The following ST6GALNAC3 variants were observed in gnomAD, a reference collection of about 807,000 sequenced individuals.
ST6GALNAC3 encodes alpha-N-acetylgalactosaminide alpha-2,6-sialyltransferase 3.
A neutral mutation model predicts 32.7 loss-of-function variants in ST6GALNAC3; 25 were observed. The ratio of observed to expected loss-of-function variants is 0.76; its 90% CI spans 0.56 to 1.07. The LOEUF is 1.07. Ranked by LOEUF, ST6GALNAC3 falls within the 50% of genes least tolerant of loss-of-function variation. The pLI, the probability that ST6GALNAC3 is intolerant of heterozygous loss-of-function variation, is 0.00. For synonymous variants in ST6GALNAC3, 129 were observed against 133.1 expected, an observed-to-expected ratio of 0.97 and a Z score of 0.21; for missense variants, 355 against 382.4, an observed-to-expected ratio of 0.93 and a Z score of 0.60.
intron 1 of ST6GALNAC3, among the ~76,000 whole-genome samples, chr1:76,282,116 G>C (rs1336409909): frequency 6.6e-6 from 1 of 151,986 alleles, no homozygotes; most frequent in African/African-American, 2.4e-5. Flanking sequence ...AATTATATGT[G>C]TTCCTTGTTT....
At chr1:76,372,852 G>A (rs1650934457) in intron 2 of ST6GALNAC3, among the ~76,000 whole-genome samples, 2 of 152,080 alleles carry the variant, frequency 1.3e-5, no homozygotes, top group South Asian at 2.1e-4. Context: ...CTCACAAAAG[G>A]GATAGAAGTC....
chr1:76,255,865 A>T (rs1359794363), intron 1 of ST6GALNAC3, among the ~76,000 whole-genome samples: 1 of 152,168 alleles, frequency 6.6e-6, no homozygotes, highest in Non-Finnish European at 1.5e-5. Context: ...GCAATATAAA[A>T]GGCAGGAAAA....
chr1:76,484,549 T>C (rs1031342067), intron 3 of ST6GALNAC3, among the ~76,000 whole-genome samples: 2 of 152,340 alleles, frequency 1.3e-5, no homozygotes, highest in African/African-American at 4.8e-5. Flanking sequence ...ATAAGAATGC[T>C]TGTGATTTTT....
At chr1:76,548,330 G>A (rs2100342084) in intron 3 of ST6GALNAC3, among the ~76,000 whole-genome samples, 1 of 152,274 alleles carries the variant, frequency 6.6e-6, no homozygotes, top group East Asian at 1.9e-4. Flanking sequence ...TAGTGGCCCA[G>A]GCCAGTAGAT....
chr1:76,275,594 T>A (rs1659089038), intron 1 of ST6GALNAC3, among the ~76,000 whole-genome samples: 1 of 152,052 alleles, frequency 6.6e-6, no homozygotes, highest in African/African-American at 2.4e-5. Context: ...AATAATTGAG[T>A]CTCTACTGGT....
intron 2 of ST6GALNAC3, among the ~76,000 whole-genome samples, chr1:76,376,018 T>TA (rs1651196999): frequency 6.6e-6 from 1 of 152,050 alleles, no homozygotes; most frequent in African/African-American, 2.4e-5. Flanking sequence ...TGGTTACCCC[T>TA]AGTGAAGGGA....
At chr1:76,230,210 G>GAGT (rs1271836937) in intron 1 of ST6GALNAC3, among the ~76,000 whole-genome samples, 1 of 152,122 alleles carries the variant, frequency 6.6e-6, no homozygotes. Flanking sequence ...AAACCTTAAG[G>GAGT]AGTACATATA....
At chr1:76,264,819 A>T (rs1476751894) in intron 1 of ST6GALNAC3, among the ~76,000 whole-genome samples, 1 of 152,096 alleles carries the variant, frequency 6.6e-6, no homozygotes, top group Non-Finnish European at 1.5e-5. Context: ...CCAGATGGAG[A>T]AGCCTTTTTT....
chr1:76,567,154 T>C (rs940158487), intron 3 of ST6GALNAC3, among the ~76,000 whole-genome samples: 11 of 152,224 alleles, frequency 7.2e-5, no homozygotes, highest in Non-Finnish European at 1.3e-4. Context: ...GTAATCTTTT[T>C]TCAGCAAATG....
chr1:76,327,659 G>A (rs1012033597), intron 2 of ST6GALNAC3, among the ~76,000 whole-genome samples: 14 of 152,080 alleles, frequency 9.2e-5, no homozygotes, highest in Non-Finnish European at 2.1e-4. Flanking sequence ...GTGCAATCTC[G>A]GCTCACTGCA....
At chr1:76,359,541 T>A (rs1479722431) in intron 2 of ST6GALNAC3, among the ~76,000 whole-genome samples, 2 of 152,198 alleles carry the variant, frequency 1.3e-5, no homozygotes, top group Non-Finnish European at 2.9e-5. Context: ...TCTTCCCTAG[T>A]ACCTTCAGAG....
At chr1:76,604,686 T>G (rs901110921) in intron 3 of ST6GALNAC3, among the ~76,000 whole-genome samples, 1 of 152,226 alleles carries the variant, frequency 6.6e-6, no homozygotes, top group Non-Finnish European at 1.5e-5. Flanking sequence ...TTTCTCAAGC[T>G]ATGATCCCAC....
intron 1 of ST6GALNAC3, among the ~76,000 whole-genome samples, chr1:76,296,654 C>T (rs74089867): frequency 0.042 from 6,338 of 152,092 alleles, 433 homozygotes; most frequent in African/African-American, 0.14. Flanking sequence ...GTGTATTTAA[C>T]CAATGAGTGT....
intron 1 of ST6GALNAC3, among the ~76,000 whole-genome samples, chr1:76,144,202 C>T (rs754510976): frequency 7.9e-5 from 12 of 152,178 alleles, no homozygotes; most frequent in East Asian, 5.8e-4. Context: ...GATGGGAAAG[C>T]GTGCTGCTTG....
intron 2 of ST6GALNAC3, among the ~76,000 whole-genome samples, chr1:76,406,959 A>G (rs1198480557): frequency 1.3e-5 from 2 of 152,054 alleles, no homozygotes; most frequent in African/African-American, 2.4e-5. Context: ...CTGACCTGTA[A>G]TAGGCATTCA....
At chr1:76,084,663 C>T (rs1386115633) in intron 1 of ST6GALNAC3, among the ~76,000 whole-genome samples, 1 of 152,158 alleles carries the variant, frequency 6.6e-6, no homozygotes, top group Non-Finnish European at 1.5e-5. Flanking sequence ...ATAAATTCAG[C>T]GACATGCTAA....
intron 1 of ST6GALNAC3, among the ~76,000 whole-genome samples, chr1:76,216,408 C>T (rs1452301991): frequency 6.6e-6 from 1 of 152,198 alleles, no homozygotes; most frequent in Non-Finnish European, 1.5e-5. Flanking sequence ...TAGTGCCAGG[C>T]TTTCAGAAAT....
At chr1:76,323,347 T>C (rs1018423496) in intron 2 of ST6GALNAC3, among the ~76,000 whole-genome samples, 1 of 152,216 alleles carries the variant, frequency 6.6e-6, no homozygotes, top group African/African-American at 2.4e-5. Context: ...TGTTAAGTAT[T>C]TTATGTGCCA....
chr1:76,508,315 G>C (rs1381176027), intron 3 of ST6GALNAC3, among the ~76,000 whole-genome samples: 1 of 152,138 alleles, frequency 6.6e-6, no homozygotes, highest in Non-Finnish European at 1.5e-5. Context: ...AGTAATGCTC[G>C]CTTGCCCACC....
Sources: gnomAD v4.1 joint callset for allele counts (sites outside exome capture counted in the v4.1 genomes callset) on GRCh38, gnomAD v4.1.1 for gene constraint, MANE v1.5 for transcripts, NCBI Gene and HGNC (gene_info 2026-07-23, HGNC 2026-07-21) for gene names.